The following DOCK9 variants were observed in gnomAD, a reference collection of about 807,000 sequenced individuals.
DOCK9 encodes the protein dedicator of cytokinesis 9.
In DOCK9, 89 loss-of-function variants were observed where a neutral mutation model predicts 263.3. The ratio of observed to expected loss-of-function variants is 0.34; its 90% CI spans 0.28 to 0.40. DOCK9 has a LOEUF of 0.40. Ranked by LOEUF, DOCK9 falls within the 10% of genes least tolerant of loss-of-function variation. The probability of loss-of-function intolerance (pLI) is 1.00; values close to 1 mark genes in which losing one functional copy is unlikely to be tolerated. For missense variants in DOCK9, 2,140 were observed against 2,603.4 expected (o/e 0.82, Z 3.87); for synonymous variants, 976 against 973.1 (o/e 1.00, Z -0.06).
At chr13:98,821,562 AG>A (rs1282152709) in intron 45 of DOCK9, among the ~76,000 whole-genome samples, 42 of 152,188 alleles carry the variant, frequency 2.8e-4, no homozygotes, top group Non-Finnish European at 5.9e-5. Flanking sequence ...TTCGTTAACA[AG>A]GGAGGGATCT....
intron 1 of DOCK9, among the ~76,000 whole-genome samples, chr13:98,990,202 C>T (rs947954949): frequency 2.0e-5 from 3 of 152,164 alleles, no homozygotes; most frequent in African/African-American, 7.2e-5. Flanking sequence ...CCTTTCTCTC[C>T]ACCATAAGAG....
intron 2 of DOCK9, among the ~76,000 whole-genome samples, chr13:98,930,801 C>T (rs1317832523): frequency 1.3e-5 from 2 of 151,974 alleles, no homozygotes; most frequent in South Asian, 2.1e-4. Flanking sequence ...TGCGCCACCA[C>T]GCTCGGTTAA....
At chr13:99,073,672 G>C (rs930298307) in intron 1 of DOCK9, among the ~76,000 whole-genome samples, 2 of 152,136 alleles carry the variant, frequency 1.3e-5, no homozygotes, top group African/African-American at 2.4e-5. Context: ...CAAAACAGTA[G>C]AGTTGGCCTA....
chr13:99,001,222 C>T (rs755258215), intron 1 of DOCK9, among the ~76,000 whole-genome samples: 25 of 152,156 alleles, frequency 1.6e-4, no homozygotes, highest in Non-Finnish European at 2.6e-4. Context: ...CTTGCTGGTA[C>T]GAAACCACTT....
chr13:98,942,245 T>TTG lies in DOCK9; in HGVS notation c.244-11989_244-11988insCA, dbSNP rs1227889945. Reference sequence around the variant, plus strand: ...GTTTTTTTTTTTGTTGTTTTTTTTTTTTGTTTTTTTGAGACAGAGTCTCGC... The same window carrying TTG: ...GTTTTTTTTTTTGTTGTTTTTTTTTTTGTTGTTTTTTTGAGACAGAGTCTCGC... On this transcript the variant is annotated intron_variant, in intron 2 of 52. Coordinates refer to ENST00000682017, the MANE Select transcript of DOCK9 (RefSeq NM_001366683.2). Among the ~76,000 whole-genome samples, 50 of 150,260 alleles carry TTG rather than the reference T, an allele frequency of 3.3e-4. 1 individual carries two copies. Among genetic ancestry groups the TTG allele is most frequent in the East Asian group, 9.8e-4 (5 of 5,112 alleles).
chr13:98,950,445 C>A, intron 2 of DOCK9: 1 of 659,960 alleles, frequency 1.5e-6, no homozygotes, highest in South Asian at 1.7e-5. Context: ...CTTGCTCTGC[C>A]ATCTTTCTAG....
At chr13:98,820,063 T>C (rs61573039) in intron 45 of DOCK9, among the ~76,000 whole-genome samples, 5,313 of 152,344 alleles carry the variant, frequency 0.035, 303 homozygotes, top group African/African-American at 0.12. Context: ...TCACTGTGAA[T>C]TAGTGAATAC....
chr13:99,033,121 T>C (rs1295005125), intron 1 of DOCK9, among the ~76,000 whole-genome samples: 1 of 152,214 alleles, frequency 6.6e-6, no homozygotes, highest in African/African-American at 2.4e-5. Context: ...TAAACATACA[T>C]AGCCACCTTC....
At chr13:98,966,659 T>C (rs948140935) in intron 1 of DOCK9, among the ~76,000 whole-genome samples, 1 of 152,186 alleles carries the variant, frequency 6.6e-6, no homozygotes, top group African/African-American at 2.4e-5. Context: ...CAAAACAATG[T>C]ACTTTAAGCT....
intron 2 of DOCK9, among the ~76,000 whole-genome samples, chr13:98,944,134 AAAG>A (rs1447284057): frequency 1.3e-5 from 2 of 152,206 alleles, no homozygotes; most frequent in South Asian, 2.1e-4. Flanking sequence ...TTTAAAAAGA[AAAG>A]AAGAATGTGA....
rs571936264 is a variant in DOCK9, at chr13:98,793,759, T to A, written c.*867A>T. On this transcript the variant is annotated 3_prime_UTR_variant, in exon 53 of 53. Coordinates refer to ENST00000682017, the MANE Select transcript of DOCK9 (RefSeq NM_001366683.2). ...TATAAACCTAATATAGTAAAGACTGTATACATCTCCATATTGCACATTTTT... is the reference window on the plus strand; with the variant it reads ...TATAAACCTAATATAGTAAAGACTGAATACATCTCCATATTGCACATTTTT... 5 of 152,788 alleles carry A rather than the reference T, an allele frequency of 3.3e-5. No homozygotes were observed. The highest frequency in any genetic ancestry group is 1.2e-4 in the African/African-American group (5 of 41,588). The allele number at this position is 152,788 out of a possible 1,614,324, so 9.5% of individuals were successfully genotyped here. A position where few individuals can be genotyped will look rare whatever the true frequency, so the allele number is the denominator to read the frequency against.
chr13:98,832,347 T>G (rs1190904377), intron 39 of DOCK9, among the ~76,000 whole-genome samples: 7 of 152,164 alleles, frequency 4.6e-5, no homozygotes, highest in Admixed American at 4.6e-4. Flanking sequence ...AAACTGAGTC[T>G]CAGCATCCTC....
chr13:98,898,125 C>T lies in DOCK9; in HGVS notation c.1586+54G>A, dbSNP rs543955075. The T allele has an allele frequency of 6.3e-5, 80 of 1,268,992 alleles. 3 individuals carry two copies. In the South Asian group the frequency reaches 9.7e-4, roughly 15 times the overall value. 78.6% of individuals were successfully genotyped at this position (1,268,992 alleles called of 1,614,324 possible). A position where few individuals can be genotyped will look rare whatever the true frequency, so the allele number is the denominator to read the frequency against. ...ACAACAAACAGAATAGGCCTATTGACCCATCCATGCACCTATCTATATCGA... is the reference window on the plus strand; with the variant it reads ...ACAACAAACAGAATAGGCCTATTGATCCATCCATGCACCTATCTATATCGA... On this transcript the variant is annotated intron_variant, in intron 14 of 52. Transcript: ENST00000682017.
chr13:98,900,044 T>C (rs559941424), intron 13 of DOCK9, among the ~76,000 whole-genome samples: 2 of 152,232 alleles, frequency 1.3e-5, no homozygotes, highest in Non-Finnish European at 1.5e-5. Flanking sequence ...CTGTAACATC[T>C]CTGCCAAAAC....
intron 10 of DOCK9, among the ~76,000 whole-genome samples, chr13:98,904,282 A>T (rs1273798582): frequency 6.6e-6 from 1 of 152,236 alleles, no homozygotes; most frequent in Non-Finnish European, 1.5e-5. Flanking sequence ...TTTGAGCCTG[A>T]GCCTGGGCTA....
intron 15 of DOCK9, among the ~76,000 whole-genome samples, chr13:98,894,983 A>T (rs1376995468): frequency 6.9e-6 from 1 of 144,238 alleles, no homozygotes; most frequent in African/African-American, 2.6e-5. Context: ...AAAAAAAAAA[A>T]ATTAGCGGGG....
intron 2 of DOCK9, among the ~76,000 whole-genome samples, chr13:98,941,298 G>C (rs74111319): frequency 6.6e-6 from 1 of 152,126 alleles, no homozygotes; most frequent in Non-Finnish European, 1.5e-5. Context: ...GAGGGACTGC[G>C]CAATTTAGTT....
At chr13:99,005,685 C>A (rs1348576128) in intron 1 of DOCK9, among the ~76,000 whole-genome samples, 1 of 152,148 alleles carries the variant, frequency 6.6e-6, no homozygotes, top group Non-Finnish European at 1.5e-5. Context: ...TAAAGCAGGG[C>A]ACAGCAAACT....
intron 1 of DOCK9, among the ~76,000 whole-genome samples, chr13:99,045,706 C>A (rs1888916499): frequency 6.6e-6 from 1 of 151,904 alleles, no homozygotes. Flanking sequence ...GTTGTATACC[C>A]TAAATATACG....
Sources: gnomAD v4.1 joint callset for allele counts (sites outside exome capture counted in the v4.1 genomes callset) on GRCh38, gnomAD v4.1.1 for gene constraint, MANE v1.5 for transcripts, NCBI Gene and HGNC (gene_info 2026-07-23, HGNC 2026-07-21) for gene names.